ZNF415: variants seen among roughly 807,000 people sequenced by gnomAD.
ZNF415 encodes the protein zinc finger protein 415.
ZNF415 carries 5 observed loss-of-function variants against 7.3 expected under a neutral mutation model. The observed-to-expected ratio is 0.69, with a 90% CI of 0.36 to 1.44. The LOEUF is 1.44. ZNF415 is among the 40% of genes most tolerant of loss of function. The pLI, the probability that ZNF415 is intolerant of heterozygous loss-of-function variation, is 0.04. For synonymous variants in ZNF415, 207 were observed against 226.3 expected (o/e 0.91, Z 0.77); for missense variants, 628 against 664.8 (o/e 0.94, Z 0.61).
rs2085651612 is a variant in ZNF415 at position 53,108,063 on chromosome 19, C to G, written c.*314G>C. On this transcript the variant is annotated 3_prime_UTR_variant, in exon 4 of 4. Coordinates refer to ENST00000243643, the MANE Select transcript of ZNF415 (RefSeq NM_018355.4). ...ATCCTTGGTTAATAGCTTCAACATG[C>G]ACAAAATATACAAAGATGTTTACAC... The G allele has an allele frequency of 3.4e-6, 1 of 297,530 alleles. No individual in the cohort carries two copies. Among genetic ancestry groups the G allele is most frequent in the Admixed American group, 4.6e-5 (1 of 21,724 alleles). The allele number at this position is 297,530 out of a possible 1,614,324, so 18.4% of individuals were successfully genotyped here.
chr19:53,115,293 C>T (rs1356274153), intron 3 of ZNF415: 1 of 182,234 alleles, frequency 5.5e-6, no homozygotes, highest in South Asian at 1.1e-4. Flanking sequence ...CGAGATTGCA[C>T]CATTGCACTC....
chr19:53,118,032 C>T (rs528335480), intron 2 of ZNF415, among the ~76,000 whole-genome samples: 2 of 152,056 alleles, frequency 1.3e-5, no homozygotes, highest in African/African-American at 4.8e-5. Context: ...TTGATACAAG[C>T]GTGTAACCCA....
At chr19:53,115,432 G>A (rs1381591096) in intron 3 of ZNF415, 1 of 467,348 alleles carries the variant, frequency 2.1e-6, no homozygotes, top group African/African-American at 1.9e-5. Context: ...GAGTGAAGGA[G>A]CCAGAGAGTT....
In ZNF415 at chr19:53,108,660, T is replaced by C. The variant is rs2085737626; in HGVS notation, c.1385A>G (p.His462Arg). 1 of 1,614,100 alleles carries C rather than the reference T, an allele frequency of 6.2e-7. No homozygotes were observed. The highest frequency in any genetic ancestry group is 8.5e-7 in the Non-Finnish European group (1 of 1,180,044). The change falls in exon 4 of 4, where the codon CAT (histidine) becomes CGT (arginine). Residue 462 changes from histidine to arginine, a missense_variant. Physicochemically the swap from His to Arg is conservative, Grantham distance 29. Coordinates refer to ENST00000243643, the MANE Select transcript of ZNF415 (RefSeq NM_018355.4). ...ACATTTGTAAGGCTTCTCTCCAGTATGGATGACCTGATGGGTAGTTAAGTT... is the reference window on the plus strand; with the variant it reads ...ACATTTGTAAGGCTTCTCTCCAGTACGGATGACCTGATGGGTAGTTAAGTT... ...HSNLTTHQVI[H>R]TGEKPYKCNQ... is the part of the protein sequence containing the mutation.
chr19:53,124,868 C>T (rs942081659), intron 1 of ZNF415, among the ~76,000 whole-genome samples: 1 of 151,462 alleles, frequency 6.6e-6, no homozygotes, highest in Admixed American at 6.6e-5. Context: ...GGAAGAGGTG[C>T]GGGGCAGGAA....
intron 2 of ZNF415, among the ~76,000 whole-genome samples, chr19:53,117,628 C>T (rs1019267942): frequency 6.6e-6 from 1 of 151,988 alleles, no homozygotes; most frequent in Non-Finnish European, 1.5e-5. Context: ...GGATACTATA[C>T]TCAGCAAAAT....
intron 1 of ZNF415, chr19:53,123,722 T>C (rs577884389): frequency 2.0e-5 from 8 of 398,128 alleles, no homozygotes; most frequent in Non-Finnish European, 3.5e-5. Context: ...AAAAGAATTT[T>C]GGAAATGATG....
At chr19:53,116,620 T>C (rs920356122) in intron 2 of ZNF415, among the ~76,000 whole-genome samples, 187 bp from the exon 3 acceptor site, 7 of 151,466 alleles carry the variant, frequency 4.6e-5, no homozygotes, top group African/African-American at 1.5e-4. Context: ...TCTCTTTTTT[T>C]TTTTTTTTGG....
chr19:53,112,971 AG>A (rs2146276668), intron 3 of ZNF415, among the ~76,000 whole-genome samples: 1 of 152,206 alleles, frequency 6.6e-6, no homozygotes, highest in Admixed American at 6.5e-5. Context: ...CTGTAATCCC[AG>A]CTACTCAGGA....
chr19:53,131,510 T>C (rs1406399082), intron 1 of ZNF415, among the ~76,000 whole-genome samples: 1 of 152,182 alleles, frequency 6.6e-6, no homozygotes, highest in East Asian at 1.9e-4. Context: ...ACAACTCACC[T>C]GGACCTGGGG....
intron 3 of ZNF415, among the ~76,000 whole-genome samples, chr19:53,114,185 G>GT (rs1343470156): frequency 9.9e-5 from 15 of 151,002 alleles, no homozygotes; most frequent in African/African-American, 2.2e-4. Context: ...AGCTGGGTTT[G>GT]TTTTTTTTTG....
At chr19:53,115,469 C>T (rs1203580385) in intron 3 of ZNF415, 4 of 544,584 alleles carry the variant, frequency 7.3e-6, no homozygotes, top group Non-Finnish European at 1.3e-5. Context: ...CAATGCTGTC[C>T]ATCATGATGA....
chr19:53,117,522 T>A (rs75189264), intron 2 of ZNF415, among the ~76,000 whole-genome samples: 14,540 of 149,694 alleles, frequency 0.097, 724 homozygotes, highest in East Asian at 0.12. Context: ...GGGTGCTCCA[T>A]AAAACAGGAA....
intron 2 of ZNF415, among the ~76,000 whole-genome samples, chr19:53,118,984 A>G (rs1238898684): frequency 6.6e-6 from 1 of 151,388 alleles, no homozygotes; most frequent in African/African-American, 2.4e-5. Flanking sequence ...ATCTCTACTA[A>G]AAATACAAAA....
intron 1 of ZNF415, chr19:53,123,495 T>C (rs13344987): frequency 0.085 from 33,794 of 398,262 alleles, 1,516 homozygotes; most frequent in East Asian, 0.11. Context: ...GGAGGGGTGT[T>C]TGCACCTGCA....
intron 1 of ZNF415, among the ~76,000 whole-genome samples, chr19:53,131,884 C>CTG (rs1044014963): frequency 1.3e-5 from 2 of 151,968 alleles, no homozygotes; most frequent in Non-Finnish European, 2.9e-5. Flanking sequence ...CCTCCCCGTG[C>CTG]TGTGGTTCTC....
intron 3 of ZNF415, among the ~76,000 whole-genome samples, chr19:53,114,690 T>C (rs779528431): frequency 2.0e-5 from 3 of 152,170 alleles, no homozygotes; most frequent in Non-Finnish European, 4.4e-5. Flanking sequence ...ACTCCCTGTG[T>C]AGGACGGGGG....
intron 2 of ZNF415, among the ~76,000 whole-genome samples, chr19:53,121,358 A>G (rs1038697188): frequency 1.3e-5 from 2 of 149,634 alleles, no homozygotes; most frequent in South Asian, 2.1e-4. Flanking sequence ...GCACTCCAGC[A>G]TGGGCGACAG....
intron 2 of ZNF415, among the ~76,000 whole-genome samples, chr19:53,121,162 G>A (rs1221767053): frequency 6.0e-5 from 9 of 149,876 alleles, no homozygotes; most frequent in East Asian, 6.0e-4. Context: ...TTGGGAGGCC[G>A]AGGCAGGCAG....
Sources: gnomAD v4.1 joint callset for allele counts (sites outside exome capture counted in the v4.1 genomes callset) on GRCh38, gnomAD v4.1.1 for gene constraint, MANE v1.5 for transcripts, NCBI Gene and HGNC (gene_info 2026-07-23, HGNC 2026-07-21) for gene names.